Variants in ANKS1B observed in about 807,000 individuals in gnomAD.
ANKS1B encodes ankyrin repeat and sterile alpha motif domain-containing protein 1B.
Under a neutral mutation model 148.3 loss-of-function variants are expected in ANKS1B, and 36 were observed. The observed-to-expected ratio is 0.24, with a 90% CI of 0.19 to 0.32. The LOEUF is 0.32. Among genes scored for constraint, ANKS1B ranks in the 10% least tolerant of loss-of-function variants. ANKS1B has a pLI of 1.00. For missense variants in ANKS1B, 1,157 were observed against 1,542.6 expected (o/e 0.75, Z 4.19); for synonymous variants, 542 against 560.8 (o/e 0.97, Z 0.47).
intron 17 of ANKS1B, among the ~76,000 whole-genome samples, chr12:99,012,837 T>A (rs1009203834): frequency 2.0e-5 from 3 of 152,202 alleles, no homozygotes; most frequent in African/African-American, 4.8e-5. Flanking sequence ...TTCAGAATGT[T>A]GAGACTCTGT....
At chr12:99,276,586 C>T (rs1274917194) in intron 12 of ANKS1B, among the ~76,000 whole-genome samples, 4 of 152,172 alleles carry the variant, frequency 2.6e-5, no homozygotes, top group African/African-American at 9.7e-5. Context: ...CCTGCTGCAA[C>T]CTTGATTTTG....
intron 9 of ANKS1B, among the ~76,000 whole-genome samples, chr12:99,621,422 C>G (rs1031281044): frequency 1.3e-5 from 2 of 148,812 alleles, no homozygotes; most frequent in Non-Finnish European, 3.0e-5. Context: ...TATATATTGT[C>G]TAAATACCCC....
At chr12:99,366,195 A>G (rs2092757296) in intron 12 of ANKS1B, among the ~76,000 whole-genome samples, 1 of 152,332 alleles carries the variant, frequency 6.6e-6, no homozygotes, top group Middle Eastern at 3.4e-3. Context: ...GGAAGGGAGA[A>G]GTCAGGGGTA....
At chr12:99,312,726 C>T (rs2083348254) in intron 12 of ANKS1B, among the ~76,000 whole-genome samples, 1 of 152,020 alleles carries the variant, frequency 6.6e-6, no homozygotes, top group Non-Finnish European at 1.5e-5. Flanking sequence ...CTATATAAGA[C>T]CATCTTTCTC....
intron 9 of ANKS1B, among the ~76,000 whole-genome samples, chr12:99,611,821 A>C (rs1651796246): frequency 6.6e-6 from 1 of 152,118 alleles, no homozygotes; most frequent in Non-Finnish European, 1.5e-5. Flanking sequence ...TACCTAATGT[A>C]CATTCCAGGA....
chr12:99,079,260 T>C (rs142003993), intron 16 of ANKS1B, among the ~76,000 whole-genome samples: 179 of 152,324 alleles, frequency 1.2e-3, no homozygotes, highest in African/African-American at 4.1e-3. Flanking sequence ...AATTTGTTCT[T>C]TAACAATACA....
chr12:99,726,464 A>C (rs1399855529), intron 8 of ANKS1B, among the ~76,000 whole-genome samples: 1 of 152,188 alleles, frequency 6.6e-6, no homozygotes, highest in Admixed American at 6.5e-5. Flanking sequence ...TAGACCAATA[A>C]CAAGTTCTGA....
At chr12:99,742,181 T>C (rs2060181954) in intron 8 of ANKS1B, among the ~76,000 whole-genome samples, 1 of 149,312 alleles carries the variant, frequency 6.7e-6, no homozygotes, top group South Asian at 2.1e-4. Flanking sequence ...GGTGATAAAA[T>C]AATATGTACA....
intron 17 of ANKS1B, among the ~76,000 whole-genome samples, chr12:98,871,189 A>C (rs984761637): frequency 1.3e-5 from 2 of 152,092 alleles, no homozygotes; most frequent in African/African-American, 4.8e-5. Context: ...TGAATTTCAA[A>C]TTCCTTTTTT....
At chr12:99,829,089 C>A (rs934057336) in intron 1 of ANKS1B, among the ~76,000 whole-genome samples, 4 of 151,882 alleles carry the variant, frequency 2.6e-5, no homozygotes, top group Admixed American at 2.6e-4. Context: ...AGTAGGACAC[C>A]GATTTAGCAG....
At chr12:99,673,512 T>C (rs966994297) in intron 8 of ANKS1B, among the ~76,000 whole-genome samples, 2 of 152,042 alleles carry the variant, frequency 1.3e-5, no homozygotes, top group African/African-American at 4.8e-5. Context: ...ATATGCAATA[T>C]AAACAATAGT....
chr12:99,538,406 C>A (rs2097093961), intron 9 of ANKS1B, among the ~76,000 whole-genome samples: 1 of 152,044 alleles, frequency 6.6e-6, no homozygotes, highest in South Asian at 2.1e-4. Flanking sequence ...AATGTCTTTC[C>A]ATTTTTCTGT....
intron 1 of ANKS1B, among the ~76,000 whole-genome samples, chr12:99,843,464 G>T (rs115433415): frequency 6.6e-6 from 1 of 151,966 alleles, no homozygotes; most frequent in African/African-American, 2.4e-5. Context: ...GTGTCCATGG[G>T]TTCTCATCAT....
intron 9 of ANKS1B, among the ~76,000 whole-genome samples, chr12:99,505,632 T>TTA (rs1042659168): frequency 1.1e-4 from 16 of 147,962 alleles, no homozygotes; most frequent in Non-Finnish European, 1.5e-4. Flanking sequence ...TATTTATATA[T>TTA]TATATATATA....
chr12:99,916,615 T>C (rs1355030157), intron 1 of ANKS1B, among the ~76,000 whole-genome samples: 1 of 152,196 alleles, frequency 6.6e-6, no homozygotes, highest in African/African-American at 2.4e-5. Context: ...AGAAAGCCCC[T>C]GGTATCACTT....
chr12:99,225,526 G>C (rs889297250), intron 14 of ANKS1B, among the ~76,000 whole-genome samples: 1 of 152,194 alleles, frequency 6.6e-6, no homozygotes, highest in East Asian at 1.9e-4. Flanking sequence ...ATTTGAGTCA[G>C]TGGACTGGGA....
In ANKS1B at chr12:98,773,136, G is replaced by A; in HGVS notation, c.3485C>T (p.Ala1162Val). ...TGTTGAGAGGTCTTCTGGGTCCTGG[G>A]CAGCACAGGAGATATTACGAATTTC... ...EHEIRNISCA[A>V]QDPEDLSTFA... is the part of the protein sequence containing the mutation. The change falls in exon 25 of 27, where the codon GCC becomes GTC. Residue 1162 changes from alanine to valine, a missense_variant. By Grantham distance (64) the Ala-to-Val change is moderately conservative. This residue lies in a region of ANKS1B where 258 missense variants were observed against 497.0 expected (regional missense o/e 0.52). Transcript: ENST00000683438. 1 of 1,613,360 alleles carries A rather than the reference G, an allele frequency of 6.2e-7. No homozygotes were observed. The highest frequency in any genetic ancestry group is 8.5e-7 in the Non-Finnish European group (1 of 1,179,728).
intron 9 of ANKS1B, among the ~76,000 whole-genome samples, chr12:99,510,251 A>C (rs909642919): frequency 1.3e-5 from 2 of 152,044 alleles, no homozygotes; most frequent in Admixed American, 1.3e-4. Flanking sequence ...TTAGAGTCTC[A>C]AGTCTTATTA....
At chr12:99,936,218 G>C (rs972294307) in intron 1 of ANKS1B, among the ~76,000 whole-genome samples, 2 of 152,114 alleles carry the variant, frequency 1.3e-5, no homozygotes, top group Non-Finnish European at 2.9e-5. Context: ...AGAATCTTGG[G>C]AGCCATCCTA....
Sources: allele counts gnomAD v4.1 joint callset (sites outside exome capture counted in the v4.1 genomes callset), GRCh38; gene constraint gnomAD v4.1.1; regional missense constraint gnomAD v4.1.1; transcripts MANE v1.5; gene names NCBI Gene and HGNC (gene_info 2026-07-23, HGNC 2026-07-21).